The following FAM193A variants were observed in gnomAD, a reference collection of about 807,000 sequenced individuals.
The protein encoded by FAM193A is family with sequence similarity 193 member A, also known as protein FAM193A.
Under a neutral mutation model 126.5 loss-of-function variants are expected in FAM193A, and 22 were observed. The ratio of observed to expected loss-of-function variants is 0.17; its 90% CI spans 0.12 to 0.25. FAM193A has a LOEUF of 0.25. FAM193A is among the 10% of genes least tolerant of loss of function. The probability of loss-of-function intolerance (pLI) is 1.00; values close to 1 mark genes in which losing one functional copy is unlikely to be tolerated. For missense variants in FAM193A, 1,675 were observed against 1,672.8 expected (o/e 1.00, Z -0.02); for synonymous variants, 761 against 646.8 (o/e 1.18, Z -2.68).
intron 1 of FAM193A, among the ~76,000 whole-genome samples, chr4:2,557,205 A>C (rs1410671638): frequency 2.0e-5 from 3 of 152,172 alleles, no homozygotes; most frequent in East Asian, 3.8e-4. Flanking sequence ...TGAATGTGGT[A>C]TCTCTCTCTC....
chr4:2,587,488 T>G (rs1484539161), intron 1 of FAM193A, among the ~76,000 whole-genome samples: 2 of 152,098 alleles, frequency 1.3e-5, no homozygotes. Flanking sequence ...AGCCCAGAAG[T>G]TCGAGACTAG....
chr4:2,575,996 TAGC>T (rs746352468), intron 1 of FAM193A, among the ~76,000 whole-genome samples: 1 of 152,206 alleles, frequency 6.6e-6, no homozygotes, highest in South Asian at 2.1e-4. Flanking sequence ...GGGATGCAAG[TAGC>T]AGCAGTCCAG....
intron 1 of FAM193A, among the ~76,000 whole-genome samples, chr4:2,578,170 A>G (rs1160021816): frequency 6.6e-6 from 1 of 151,754 alleles, no homozygotes; most frequent in East Asian, 1.9e-4. Flanking sequence ...GGCTTAAGCA[A>G]TTTTCCCACC....
chr4:2,703,907 G>A (rs2109324020), intron 19 of FAM193A, among the ~76,000 whole-genome samples: 1 of 151,958 alleles, frequency 6.6e-6, no homozygotes, highest in East Asian at 1.9e-4. Context: ...AGGAGTTTGA[G>A]GCTGCGGTGT....
intron 2 of FAM193A, among the ~76,000 whole-genome samples, chr4:2,609,601 T>A (rs1741740164): frequency 6.6e-6 from 1 of 152,188 alleles, no homozygotes; most frequent in African/African-American, 2.4e-5. Context: ...AGGCATATAG[T>A]CCCAACTTAA....
At chr4:2,597,054 G>C (rs1036907498) in intron 2 of FAM193A, among the ~76,000 whole-genome samples, 1 of 152,150 alleles carries the variant, frequency 6.6e-6, no homozygotes, top group Non-Finnish European at 1.5e-5. Flanking sequence ...GGGGAGTCCT[G>C]GTGACAATCT....
intron 12 of FAM193A, among the ~76,000 whole-genome samples, chr4:2,667,894 A>G (rs1713305492): frequency 6.6e-6 from 1 of 152,190 alleles, no homozygotes; most frequent in Non-Finnish European, 1.5e-5. Context: ...CAAAAATTAA[A>G]ATACAATATG....
At chr4:2,535,572 C>T (rs565373627), upstream of FAM193A, among the ~76,000 whole-genome samples, 6 of 152,338 alleles carry the variant, frequency 3.9e-5, no homozygotes, top group South Asian at 2.1e-4. Context: ...CCGGCAGGGT[C>T]CCCCCGTGGC....
chr4:2,600,378 TC>T (rs1442439142), intron 2 of FAM193A, among the ~76,000 whole-genome samples: 1 of 152,196 alleles, frequency 6.6e-6, no homozygotes, highest in African/African-American at 2.4e-5. Context: ...TCCAGCCCTG[TC>T]TCTTCCCTCC....
intron 2 of FAM193A, among the ~76,000 whole-genome samples, chr4:2,602,214 T>TAA (rs34232840): frequency 0.031 from 4,556 of 148,174 alleles, 244 homozygotes; most frequent in African/African-American, 0.1. Context: ...GAATGTGATT[T>TAA]AAAAAAAAAA....
intron 1 of FAM193A, among the ~76,000 whole-genome samples, chr4:2,585,771 T>C (rs1247677584): frequency 1.3e-5 from 2 of 151,988 alleles, no homozygotes; most frequent in African/African-American, 4.8e-5. Context: ...TACTAAAAAA[T>C]ACAGAAATTA....
chr4:2,575,465 A>AT (rs33996164), intron 1 of FAM193A, among the ~76,000 whole-genome samples: 8,394 of 135,354 alleles, frequency 0.062, 649 homozygotes, highest in African/African-American at 0.17. Context: ...AGATACTGGG[A>AT]TTTTTTTTTT....
Position 2,626,585 on chromosome 4 carries a change from C to T in FAM193A, c.803+8C>T. The T allele has an allele frequency of 1.5e-6, 1 of 686,780 alleles. No homozygotes were observed. The highest frequency in any genetic ancestry group is 2.7e-6 in the Non-Finnish European group (1 of 372,664). 42.5% of individuals were successfully genotyped at this position (686,780 alleles called of 1,614,324 possible). On this transcript the variant is annotated splice_region_variant and intron_variant, in intron 4 of 20. Coordinates refer to ENST00000637812, the MANE Select transcript of FAM193A (RefSeq NM_001366318.2). ...GAAGGAGCTCGTGGATAGGTACATA[C>T]TGCCCTTTCCTGTTGTGGCCCCATG...
intron 20 of FAM193A, among the ~76,000 whole-genome samples, chr4:2,730,246 A>T (rs1024311278): frequency 3.3e-5 from 5 of 152,154 alleles, no homozygotes; most frequent in African/African-American, 1.2e-4. Context: ...GGAAGGAAAA[A>T]CCAAGAAACA....
chr4:2,670,813 T>C (rs1560546871), intron 12 of FAM193A, among the ~76,000 whole-genome samples: 1 of 152,192 alleles, frequency 6.6e-6, no homozygotes, highest in East Asian at 1.9e-4. Context: ...TGTTGAAAAT[T>C]GGACATTTTA....
At chr4:2,631,272 C>A in intron 5 of FAM193A, 103 bp downstream of exon 5, 1 of 1,011,244 alleles carries the variant, frequency 9.9e-7, no homozygotes, top group Non-Finnish European at 1.5e-6. Context: ...GCTGTCACAC[C>A]CCCACACACT....
chr4:2,558,256 G>T (rs566135599), intron 1 of FAM193A, among the ~76,000 whole-genome samples: 2 of 149,390 alleles, frequency 1.3e-5, no homozygotes, highest in Non-Finnish European at 3.0e-5. Context: ...TTGACAGAGC[G>T]AGACTGCATC....
intron 4 of FAM193A, among the ~76,000 whole-genome samples, chr4:2,628,657 G>A (rs2108989508): frequency 6.6e-6 from 1 of 152,172 alleles, no homozygotes; most frequent in South Asian, 2.1e-4. Flanking sequence ...AAACAACAAA[G>A]TTAGGTTTCC....
rs1256711056 is a variant in FAM193A at position 2,731,816 on chromosome 4, C to G, written c.4496C>G (p.Ser1499Cys). 2 of 1,614,188 alleles carry G rather than the reference C, an allele frequency of 1.2e-6. No homozygotes were observed. The highest frequency in any genetic ancestry group is 2.2e-5 in the South Asian group (2 of 91,084). The change falls in exon 21 of 21, where the codon TCT becomes TGT. Residue 1499 changes from serine (S) to cysteine (C), a missense_variant. This residue lies in a region of FAM193A where 20 missense variants were observed against 52.2 expected (regional missense o/e 0.38). Coordinates refer to ENST00000637812, the MANE Select transcript of FAM193A (RefSeq NM_001366318.2). ...DSARQTRQRL[S>C]INWSNFSLKK... The stretch of plus-strand genomic sequence containing the variant: ...GCTAGACAGACCCGACAAAGACTGT[C>G]TATCAACTGGTCCAATTTTAGCTTG...
Sources: gnomAD v4.1 joint callset for allele counts (sites outside exome capture counted in the v4.1 genomes callset) on GRCh38, gnomAD v4.1.1 for gene constraint, gnomAD v4.1.1 regional missense constraint, MANE v1.5 for transcripts, NCBI Gene and HGNC (gene_info 2026-07-23, HGNC 2026-07-21) for gene names.